The following HIPK3 variants were observed in gnomAD, a reference collection of about 807,000 sequenced individuals.
The protein encoded by HIPK3 is homeodomain-interacting protein kinase 3.
HIPK3 carries 47 observed loss-of-function variants against 124.2 expected under a neutral mutation model. The ratio of observed to expected loss-of-function variants is 0.38; its 90% CI spans 0.30 to 0.48. HIPK3 has a LOEUF of 0.48. HIPK3 is among the 20% of genes least tolerant of loss of function. The pLI, the probability that HIPK3 is intolerant of heterozygous loss-of-function variation, is 0.98. For synonymous variants in HIPK3, 482 were observed against 515.2 expected (o/e 0.94, Z 0.87); for missense variants, 1,286 against 1,454.3 (o/e 0.88, Z 1.88).
Position 33,273,230 on chromosome 11 carries a change from T to C in HIPK3, c.-2-13183T>C, listed in dbSNP as rs192160343. The stretch of plus-strand genomic sequence containing the variant: ...CACATTAGAAAGGCTTTGGGCTGGG[T>C]GCGGTGGCTTACGCCTGTAATCCCA... On this transcript the variant is annotated intron_variant, in intron 1 of 16. Coordinates refer to ENST00000303296, the MANE Select transcript of HIPK3 (RefSeq NM_005734.5). 4.6e-3 allele frequency among the ~76,000 whole-genome samples: 700 copies of C among 151,778 alleles called. 9 individuals are homozygous for C. The highest frequency in any genetic ancestry group is 3.9e-3 in the Non-Finnish European group (264 of 67,934).
At position 33,322,219 on chromosome 11, in the gene HIPK3, T is replaced by A. The variant is rs76932868; in HGVS notation, c.1098-6291T>A. On this transcript the variant is annotated intron_variant, in intron 2 of 16. Transcript: ENST00000303296. ...TTTCACCGTGTTAGCCAGGATGGTCTCGATCTCCTGACCTCGTGATCTGCC... is the reference window on the plus strand; with the variant it reads ...TTTCACCGTGTTAGCCAGGATGGTCACGATCTCCTGACCTCGTGATCTGCC... 3.0e-4 allele frequency among the ~76,000 whole-genome samples: 45 copies of A among 152,152 alleles called. No individual in the cohort carries two copies. The East Asian group carries it at 8.0e-3, about 27-fold the overall frequency.
upstream of HIPK3, chr11:33,257,311 G>C (rs956531615): frequency 4.1e-6 from 4 of 983,810 alleles, no homozygotes; most frequent in Admixed American, 6.2e-5. Flanking sequence ...CTGCCGGGCG[G>C]GCGGTGGCGC....
At chr11:33,339,560 GTGGTTCT>G in intron 6 of HIPK3, 26 bp downstream of exon 6, 1 of 1,467,996 alleles carries the variant, frequency 6.8e-7, no homozygotes, top group Admixed American at 2.0e-5. Context: ...ATCTTTTAAA[GTGGTTCT>G]AAAAAAAAAT....
intron 2 of HIPK3, among the ~76,000 whole-genome samples, chr11:33,304,002 A>G (rs538772123): frequency 4.1e-4 from 62 of 152,200 alleles, no homozygotes; most frequent in African/African-American, 1.3e-3. Context: ...GTGCAGTGGC[A>G]CCATCTTGGC....
chr11:33,300,361 AG>A (rs961058713), intron 2 of HIPK3, among the ~76,000 whole-genome samples: 1 of 151,974 alleles, frequency 6.6e-6, no homozygotes, highest in Non-Finnish European at 1.5e-5. Context: ...AAAAAAAAAA[AG>A]AACTTGCAGC....
chr11:33,278,092 AGT>A (rs1851318122), intron 1 of HIPK3, among the ~76,000 whole-genome samples: 2 of 152,210 alleles, frequency 1.3e-5, no homozygotes, highest in South Asian at 2.1e-4. Context: ...CCCTTCTAAG[AGT>A]GTGTGTTTTT....
chr11:33,280,005 T>C (rs1386706536), intron 1 of HIPK3, among the ~76,000 whole-genome samples: 2 of 152,120 alleles, frequency 1.3e-5, no homozygotes, highest in Non-Finnish European at 2.9e-5. Context: ...AGTTTCAACA[T>C]ACAAATTCTG....
intron 2 of HIPK3, among the ~76,000 whole-genome samples, chr11:33,313,347 C>A (rs2133946857): frequency 6.6e-6 from 1 of 152,130 alleles, no homozygotes; most frequent in East Asian, 1.9e-4. Context: ...GGACAGTTGG[C>A]AACATTGAAT....
At chr11:33,340,941 G>A in intron 6 of HIPK3, 27 bp from the exon 7 acceptor site, 1 of 1,418,734 alleles carries the variant, frequency 7.0e-7, no homozygotes. Flanking sequence ...AAATAATACT[G>A]TAATACCTTC....
chr11:33,335,867 T>G (rs1444517346), intron 3 of HIPK3: 1 of 152,174 alleles, frequency 6.6e-6, no homozygotes, highest in African/African-American at 2.4e-5. Context: ...CCCAGAGATC[T>G]CTCTCTTTGC....
chr11:33,275,045 AT>A (rs1188255598), intron 1 of HIPK3, among the ~76,000 whole-genome samples: 43 of 147,024 alleles, frequency 2.9e-4, no homozygotes, highest in Non-Finnish European at 4.1e-4. Context: ...GGTAGACACA[AT>A]TTTTTTTTTT....
Position 33,354,454 on chromosome 11 carries a change from A to G in HIPK3, c.*886A>G, listed in dbSNP as rs983066581. Reference sequence around the variant, plus strand: ...TTATATACTGTTAAGTGAAACTGCAATACAATCTAAGTTTATTTTGAGAGT... The same window carrying G: ...TTATATACTGTTAAGTGAAACTGCAGTACAATCTAAGTTTATTTTGAGAGT... On this transcript the variant is annotated 3_prime_UTR_variant, in exon 17 of 17. Transcript: ENST00000303296. 3.3e-5 allele frequency: 5 copies of G among 152,634 alleles called. No individual in the cohort carries two copies. Among genetic ancestry groups the G allele is most frequent in the African/African-American group, 9.6e-5 (4 of 41,458 alleles). The allele number at this position is 152,634 out of a possible 1,614,324, so 9.5% of individuals were successfully genotyped here.
chr11:33,342,093 ACT>A (rs1414172794), intron 8 of HIPK3, among the ~76,000 whole-genome samples: 8 of 123,222 alleles, frequency 6.5e-5, no homozygotes, highest in Admixed American at 1.1e-4. Flanking sequence ...ACAGAGTGAG[ACT>A]CTGTCTCAAA....
chr11:33,292,131 C>G (rs977702686), intron 2 of HIPK3, among the ~76,000 whole-genome samples: 1 of 151,914 alleles, frequency 6.6e-6, no homozygotes, highest in African/African-American at 2.4e-5. Flanking sequence ...TTTCAAAGTG[C>G]CTTTCGTTAT....
chr11:33,353,147 G>T lies in HIPK3; in HGVS notation c.3227G>T (p.Arg1076Ile). Residue 1076 changes from arginine to isoleucine, a missense_variant, in exon 17 of 17, where the codon AGA becomes ATA. By Grantham distance (97) the Arg-to-Ile change is moderately conservative. This residue lies in a region of HIPK3 where 810 missense variants were observed against 864.9 expected (regional missense o/e 0.94). Coordinates refer to ENST00000303296, the MANE Select transcript of HIPK3 (RefSeq NM_005734.5). ...TGGAATGGAAACTTTGGGCACAGAA[G>T]ACAGCAAGCTTATATTCCTACTAGT... Reference protein sequence around the residue: ...QEWNGNFGHRRQQAYIPTSVT... With the variant: ...QEWNGNFGHRIQQAYIPTSVT... 1 of 1,613,738 alleles carries T rather than the reference G, an allele frequency of 6.2e-7. No individual in the cohort carries two copies. Among genetic ancestry groups the T allele is most frequent in the Non-Finnish European group, 8.5e-7 (1 of 1,179,918 alleles).
intron 2 of HIPK3, among the ~76,000 whole-genome samples, chr11:33,292,112 G>A (rs1161186643): frequency 6.6e-6 from 1 of 152,082 alleles, no homozygotes; most frequent in Non-Finnish European, 1.5e-5. Flanking sequence ...TATGTATAAT[G>A]CATCATTTTT....
chr11:33,328,231 G>A (rs546683880), intron 2 of HIPK3, among the ~76,000 whole-genome samples: 57 of 152,200 alleles, frequency 3.7e-4, no homozygotes, highest in Non-Finnish European at 5.7e-4. Context: ...AAAACAAGAT[G>A]TATGTTTTTC....
intron 8 of HIPK3, among the ~76,000 whole-genome samples, chr11:33,346,240 C>G (rs1853488201): frequency 6.6e-6 from 1 of 152,078 alleles, no homozygotes; most frequent in Non-Finnish European, 1.5e-5. Context: ...ATTATAGTAA[C>G]ATTAACAGGA....
At chr11:33,293,481 C>T (rs1005340006) in intron 2 of HIPK3, among the ~76,000 whole-genome samples, 1 of 151,274 alleles carries the variant, frequency 6.6e-6, no homozygotes, top group Non-Finnish European at 1.5e-5. Flanking sequence ...CTGTGTAGAT[C>T]ATCTATTCTG....
Sources: allele counts gnomAD v4.1 joint callset (sites outside exome capture counted in the v4.1 genomes callset), GRCh38; gene constraint gnomAD v4.1.1; regional missense constraint gnomAD v4.1.1; transcripts MANE v1.5; gene names NCBI Gene and HGNC (gene_info 2026-07-23, HGNC 2026-07-21).